C13orf42: variants seen among roughly 807,000 people sequenced by gnomAD.
C13orf42 encodes the protein uncharacterized protein C13orf42.
At chr13:51,158,089 C>T (rs1351684937) in intron 1 of C13orf42, among the ~76,000 whole-genome samples, 1 of 152,226 alleles carries the variant, frequency 6.6e-6, no homozygotes, top group East Asian at 1.9e-4. Context: ...TGTATTCATT[C>T]CTTCAATGAC....
At chr13:51,085,206 T>TG in intron 3 of C13orf42, 113 bp downstream of exon 3, 2 of 231,012 alleles carry the variant, frequency 8.7e-6, no homozygotes, top group Non-Finnish European at 1.6e-5. Flanking sequence ...TATATATATA[T>TG]ATATGAATAA....
intron 1 of C13orf42, among the ~76,000 whole-genome samples, chr13:51,140,541 T>C (rs996819604): frequency 6.6e-6 from 1 of 152,196 alleles, no homozygotes; most frequent in African/African-American, 2.4e-5. Context: ...ATGAGCTAAC[T>C]TTATGGCTCA....
intron 1 of C13orf42, among the ~76,000 whole-genome samples, chr13:51,132,341 G>A (rs1002291211): frequency 4.0e-5 from 6 of 151,848 alleles, no homozygotes; most frequent in Admixed American, 1.3e-4. Flanking sequence ...GCTGAGGCAG[G>A]AGAATCACTT....
intron 1 of C13orf42, among the ~76,000 whole-genome samples, chr13:51,105,785 A>C (rs1212601811): frequency 6.6e-6 from 1 of 152,132 alleles, no homozygotes; most frequent in Non-Finnish European, 1.5e-5. Context: ...TATGCTCTTG[A>C]ATCTTGTATG....
chr13:51,094,375 T>C (rs530692859), intron 1 of C13orf42, among the ~76,000 whole-genome samples: 1 of 152,348 alleles, frequency 6.6e-6, no homozygotes, highest in African/African-American at 2.4e-5. Context: ...CATACTGATA[T>C]TTGCAACTCA....
chr13:51,161,342 T>C (rs543017164), intron 1 of C13orf42, among the ~76,000 whole-genome samples: 2 of 152,126 alleles, frequency 1.3e-5, no homozygotes, highest in African/African-American at 4.8e-5. Context: ...ATTGCTTATA[T>C]GAAGCATGTC....
intron 1 of C13orf42, among the ~76,000 whole-genome samples, chr13:51,132,612 C>G (rs1216517774): frequency 6.6e-6 from 1 of 152,128 alleles, no homozygotes; most frequent in Non-Finnish European, 1.5e-5. Context: ...ATCGCCCCTA[C>G]TCAGCCCAAA....
intron 1 of C13orf42, among the ~76,000 whole-genome samples, chr13:51,122,780 G>A (rs1049951356): frequency 3.3e-4 from 50 of 152,134 alleles, no homozygotes; most frequent in African/African-American, 1.0e-3. Context: ...AGGGCCTTGT[G>A]GATCTCTATT....
intron 1 of C13orf42, among the ~76,000 whole-genome samples, chr13:51,108,968 G>A (rs796743376): frequency 1.3e-4 from 20 of 152,316 alleles, no homozygotes; most frequent in African/African-American, 4.8e-4. Context: ...GGTCCTATAA[G>A]AGAGAGCTCC....
At chr13:51,109,061 A>C (rs1291871861) in intron 1 of C13orf42, among the ~76,000 whole-genome samples, 7 of 152,194 alleles carry the variant, frequency 4.6e-5, no homozygotes, top group African/African-American at 1.7e-4. Flanking sequence ...GGAGTCCAGA[A>C]ACCACTGCAA....
intron 1 of C13orf42, among the ~76,000 whole-genome samples, chr13:51,147,519 CAG>C (rs1190696295): frequency 6.6e-6 from 1 of 152,102 alleles, no homozygotes; most frequent in East Asian, 1.9e-4. Flanking sequence ...CACCTGAGGT[CAG>C]GAGTTCGAGA....
intron 1 of C13orf42, among the ~76,000 whole-genome samples, chr13:51,090,387 TGGA>T (rs1284109214): frequency 6.6e-6 from 1 of 151,998 alleles, no homozygotes; most frequent in Non-Finnish European, 1.5e-5. Context: ...TTTGGTGAAG[TGGA>T]GGAGAGAGAA....
At position 51,110,777 on chromosome 13, in the gene C13orf42, A is replaced by G. The variant is rs1206803344; in HGVS notation, c.414+19T>C. ...TCAGAAAAACCCTCATCTAAATTGT[A>G]CTGCTCAGCAGCACTTACCTTTATT... On this transcript the variant is annotated intron_variant, in intron 1 of 3. Transcript: ENST00000563710. 1.0e-5 allele frequency: 4 copies of G among 398,448 alleles called. No homozygotes were observed. Among genetic ancestry groups the G allele is most frequent in the Non-Finnish European group, 1.8e-5 (4 of 226,074 alleles). The allele number at this position is 398,448 out of a possible 1,614,324, so 24.7% of individuals were successfully genotyped here.
chr13:51,114,314 G>C (rs1352165850), upstream of C13orf42, among the ~76,000 whole-genome samples: 1 of 152,148 alleles, frequency 6.6e-6, no homozygotes, highest in East Asian at 1.9e-4. Context: ...TCCAAAACTA[G>C]ATACCACCTA....
At chr13:51,160,146 A>G (rs1165371384) in intron 1 of C13orf42, among the ~76,000 whole-genome samples, 1 of 152,238 alleles carries the variant, frequency 6.6e-6, no homozygotes, top group Admixed American at 6.5e-5. Flanking sequence ...GTGGGGACAC[A>G]GCCAAACCAT....
chr13:51,098,211 CCTTCCCCAGT>C (rs1367801021), intron 1 of C13orf42, among the ~76,000 whole-genome samples: 1 of 151,970 alleles, frequency 6.6e-6, no homozygotes, highest in Non-Finnish European at 1.5e-5. Flanking sequence ...TGAGATGCTC[CCTTCCCCAGT>C]CTGTTCATTT....
rs1164665435 is a variant in C13orf42 at position 51,111,045 on chromosome 13, CT to C, written c.164del (p.Lys55SerfsTer52). 2 of 398,614 alleles carry C rather than the reference CT, an allele frequency of 5.0e-6. No individual in the cohort carries two copies. Among genetic ancestry groups the C allele is most frequent in the African/African-American group, 2.1e-5 (1 of 48,622 alleles). The allele number at this position is 398,614 out of a possible 1,614,324, so 24.7% of individuals were successfully genotyped here. A position where few individuals can be genotyped will look rare whatever the true frequency, so the allele number is the denominator to read the frequency against. ...TGTCCATGCTACTGGTGCTTTTGTA[CT>C]TCTTTAAGGACTCGCTGAATTTCTC... ...HGEKFSESLK[K>X]YKSTSSMDTS... On this transcript the variant is annotated frameshift_variant, in exon 1 of 4. Coordinates refer to ENST00000563710, the MANE Select transcript of C13orf42 (RefSeq NM_001351589.3). LOFTEE classifies it high-confidence loss of function.
At chr13:51,142,419 T>C (rs1018964954) in intron 1 of C13orf42, among the ~76,000 whole-genome samples, 2 of 152,118 alleles carry the variant, frequency 1.3e-5, no homozygotes, top group African/African-American at 4.8e-5. Flanking sequence ...ACTATCACAG[T>C]TTTCATAAAT....
intron 1 of C13orf42, among the ~76,000 whole-genome samples, chr13:51,092,175 G>C (rs192913358): frequency 2.0e-5 from 3 of 152,084 alleles, no homozygotes; most frequent in Non-Finnish European, 2.9e-5. Flanking sequence ...ACTCTCCAAC[G>C]TGTCCCTAGT....
Sources: allele counts gnomAD v4.1 joint callset (sites outside exome capture counted in the v4.1 genomes callset), GRCh38; gene constraint gnomAD v4.1.1; transcripts MANE v1.5; gene names NCBI Gene and HGNC (gene_info 2026-07-23, HGNC 2026-07-21).